ABCA13: variants seen among roughly 807,000 people sequenced by gnomAD.
ABCA13 encodes the protein ATP binding cassette subfamily A member 13.
In ABCA13, 476 loss-of-function variants were observed where a neutral mutation model predicts 478.7. The ratio of observed to expected loss-of-function variants is 0.99; its 90% CI spans 0.92 to 1.07. The LOEUF (loss-of-function observed/expected upper bound fraction) is 1.07. Ranked by LOEUF, ABCA13 falls within the 50% of genes least tolerant of loss-of-function variation. ABCA13 has a pLI of 0.00. For synonymous variants in ABCA13, 2,252 were observed against 2,158.9 expected (o/e 1.04, Z -1.20); for missense variants, 6,060 against 5,910.6 (o/e 1.03, Z -0.83).
chr7:48,289,352 A>C (rs1584656418), intron 20 of ABCA13, among the ~76,000 whole-genome samples: 3 of 148,746 alleles, frequency 2.0e-5, no homozygotes, highest in Admixed American at 6.8e-5. Flanking sequence ...AAAAAGCCCC[A>C]CAGACAATTT....
chr7:48,443,614 T>G (rs570311607), intron 42 of ABCA13, among the ~76,000 whole-genome samples: 1 of 152,336 alleles, frequency 6.6e-6, no homozygotes, highest in South Asian at 2.1e-4. Flanking sequence ...GGTTTAGCAT[T>G]TTTATCATTT....
chr7:48,315,986 T>C (rs904252596), intron 26 of ABCA13, among the ~76,000 whole-genome samples: 6 of 152,178 alleles, frequency 3.9e-5, no homozygotes, highest in Non-Finnish European at 8.8e-5. Context: ...TAAAATAATA[T>C]TTTCATTTTA....
At position 48,272,960 on chromosome 7, in the gene ABCA13, A is replaced by G; in HGVS notation, c.3294A>G (p.Lys1098=). Residue 1098 remains lysine, a synonymous_variant, in exon 17 of 62, where the codon AAA becomes AAG. Coordinates refer to ENST00000435803, the MANE Select transcript of ABCA13 (RefSeq NM_152701.5). ...CAGTAGAAGACCTATTGGATAATAA[A>G]TGCTTGATTTCGGACAATAAACACA... ...NSSVEDLLDN[K]CLISDNKHIS... The G allele has an allele frequency of 6.2e-7, 1 of 1,613,484 alleles. No homozygotes were observed. The highest frequency in any genetic ancestry group is 8.5e-7 in the Non-Finnish European group (1 of 1,179,626).
At chr7:48,546,679 G>A (rs1229720051) in intron 55 of ABCA13, among the ~76,000 whole-genome samples, 1 of 151,450 alleles carries the variant, frequency 6.6e-6, no homozygotes, top group African/African-American at 2.4e-5. Flanking sequence ...CGTTTTTTAA[G>A]TGACCGTATC....
rs1161173821 is a variant in ABCA13, at chr7:48,410,636, G to A, written c.12187G>A (p.Glu4063Lys). ...RCCGPPFCLKEAYGQGLRLTL... is the reference protein window; with the variant it reads ...RCCGPPFCLKKAYGQGLRLTL... ...CTGCGGTCCTCCCTTCTGCCTGAAG[G>A]AGGCATATGGCCAGGGGCTCCGCCT... The change falls in exon 40 of 62, where the codon GAG (glutamate) becomes AAG (lysine). Residue 4063 changes from glutamate to lysine, a missense_variant. Around this residue, in one of 3 missense-constraint regions of ABCA13, gnomAD observed 1,627 missense variants for 1,571.0 expected, o/e 1.04. Transcript: ENST00000435803. 1.2e-6 allele frequency: 2 copies of A among 1,614,042 alleles called. No homozygotes were observed. The highest frequency in any genetic ancestry group is 1.7e-6 in the Non-Finnish European group (2 of 1,179,880).
intron 59 of ABCA13, among the ~76,000 whole-genome samples, chr7:48,618,080 A>T (rs1467497035): frequency 2.0e-5 from 3 of 152,146 alleles, no homozygotes; most frequent in African/African-American, 7.2e-5. Context: ...TTCAGACCCC[A>T]CCTGGGCTCC....
chr7:48,576,491 C>T (rs1788202318), intron 55 of ABCA13, among the ~76,000 whole-genome samples: 2 of 152,260 alleles, frequency 1.3e-5, no homozygotes, highest in South Asian at 2.1e-4. Flanking sequence ...CCTCTGTAAG[C>T]ATTAGAAAGA....
At chr7:48,453,235 A>G (rs1585387812) in intron 42 of ABCA13, among the ~76,000 whole-genome samples, 1 of 145,276 alleles carries the variant, frequency 6.9e-6, no homozygotes, top group Non-Finnish European at 1.5e-5. Flanking sequence ...GGAGATTGGG[A>G]TTTTTTTTTT....
intron 3 of ABCA13, among the ~76,000 whole-genome samples, chr7:48,216,075 G>A (rs958713183): frequency 3.9e-5 from 6 of 152,146 alleles, no homozygotes; most frequent in African/African-American, 1.4e-4. Flanking sequence ...GAATATTCAT[G>A]TGCAAGTTTT....
At chr7:48,440,487 G>A (rs920191425) in intron 42 of ABCA13, among the ~76,000 whole-genome samples, 2 of 151,884 alleles carry the variant, frequency 1.3e-5, no homozygotes, top group Non-Finnish European at 2.9e-5. Context: ...ACATTCTACC[G>A]TTTATGTCAA....
At chr7:48,202,800 A>G (rs1442058809) in intron 3 of ABCA13, among the ~76,000 whole-genome samples, 3 of 152,234 alleles carry the variant, frequency 2.0e-5, no homozygotes, top group African/African-American at 4.8e-5. Flanking sequence ...TGAGCTAGAC[A>G]TAAAGGTTCT....
At chr7:48,348,102 A>G (rs941213828) in intron 29 of ABCA13, among the ~76,000 whole-genome samples, 1 of 152,126 alleles carries the variant, frequency 6.6e-6, no homozygotes, top group Admixed American at 6.5e-5. Context: ...GCCAAGATAA[A>G]TTCTTTAAAC....
At chr7:48,302,752 G>A (rs1050958245) in intron 23 of ABCA13, among the ~76,000 whole-genome samples, 1 of 152,150 alleles carries the variant, frequency 6.6e-6, no homozygotes, top group Non-Finnish European at 1.5e-5. Flanking sequence ...CCCTTGATGG[G>A]CATTTAGGTT....
rs374451655 is a variant in ABCA13, at chr7:48,416,644, C to T, written c.12459+4061C>T. Among the ~76,000 whole-genome samples, 51 of 152,176 alleles carry T rather than the reference C, an allele frequency of 3.4e-4. 1 individual carries two copies. The South Asian group carries it at 8.7e-3, about 26-fold the overall frequency. On this transcript the variant is annotated intron_variant, in intron 41 of 61. Transcript: ENST00000435803. ...GAGATGCCCTGGGAGGATCCCCAGT[C>T]GGAGAGTGCCCCGGGACCAAGGGAA...
At chr7:48,549,609 T>C (rs1785129281) in intron 55 of ABCA13, among the ~76,000 whole-genome samples, 1 of 151,276 alleles carries the variant, frequency 6.6e-6, no homozygotes, top group African/African-American at 2.4e-5. Context: ...TCAAATGATA[T>C]TTCTGGTTCT....
intron 1 of ABCA13, among the ~76,000 whole-genome samples, chr7:48,177,565 G>T (rs1300986866): frequency 6.6e-6 from 1 of 152,212 alleles, no homozygotes; most frequent in Non-Finnish European, 1.5e-5. Flanking sequence ...AGGCGAGAGG[G>T]TTCTCAGGTG....
At chr7:48,545,455 C>T (rs187501411) in intron 55 of ABCA13, among the ~76,000 whole-genome samples, 68 of 151,680 alleles carry the variant, frequency 4.5e-4, no homozygotes, top group Non-Finnish European at 4.0e-4. Flanking sequence ...CTCCCCCTAC[C>T]CAAGAATATA....
At chr7:48,376,146 G>A (rs564971936) in intron 34 of ABCA13, among the ~76,000 whole-genome samples, 1 of 152,154 alleles carries the variant, frequency 6.6e-6, no homozygotes, top group Non-Finnish European at 1.5e-5. Context: ...TAAATATAAA[G>A]TCCTTTCTAC....
rs1368592939 is a variant in ABCA13, at chr7:48,208,576, T to C, written c.287+10216T>C. Reference sequence around the variant, plus strand: ...TTATTTTATTTGTAGCTATTATAAATGGTATTGCTTTCTTGGTTTCTTTTT... The same window carrying C: ...TTATTTTATTTGTAGCTATTATAAACGGTATTGCTTTCTTGGTTTCTTTTT... On this transcript the variant is annotated intron_variant, in intron 3 of 61. Coordinates refer to ENST00000435803, the MANE Select transcript of ABCA13 (RefSeq NM_152701.5). 2.6e-5 allele frequency among the ~76,000 whole-genome samples: 4 copies of C among 152,104 alleles called. No homozygotes were observed. The East Asian group carries it at 7.7e-4, about 29-fold the overall frequency.
Sources: gnomAD v4.1 joint callset for allele counts (sites outside exome capture counted in the v4.1 genomes callset) on GRCh38, gnomAD v4.1.1 for gene constraint, gnomAD v4.1.1 regional missense constraint, MANE v1.5 for transcripts, NCBI Gene and HGNC (gene_info 2026-07-23, HGNC 2026-07-21) for gene names.